The following SORCS3 variants were observed in gnomAD, a reference collection of about 807,000 sequenced individuals.
SORCS3 encodes the protein sortilin related VPS10 domain containing receptor 3.
Under a neutral mutation model 146.3 loss-of-function variants are expected in SORCS3, and 57 were observed. The observed-to-expected ratio is 0.39, with a 90% CI of 0.31 to 0.49. SORCS3 has a LOEUF of 0.49. Among genes scored for constraint, SORCS3 ranks in the 20% least tolerant of loss-of-function variants. The pLI, the probability that SORCS3 is intolerant of heterozygous loss-of-function variation, is 0.92. For synonymous variants in SORCS3, 653 were observed against 618.5 expected (o/e 1.06, Z -0.83); for missense variants, 1,341 against 1,575.5 (o/e 0.85, Z 2.52).
intron 1 of SORCS3, among the ~76,000 whole-genome samples, chr10:104,643,628 G>T (rs2015455286): frequency 6.6e-6 from 1 of 152,128 alleles, no homozygotes; most frequent in African/African-American, 2.4e-5. Context: ...GTGTGTGCTG[G>T]GGGGAGATTC....
chr10:105,211,155 A>T lies in SORCS3; in HGVS notation c.2280A>T (p.Arg760Ser). Residue 760 changes from arginine to serine, a missense_variant, in exon 17 of 27, where the codon AGA becomes AGT. Arg to Ser is a moderately radical substitution (Grantham distance 110). Transcript: ENST00000369701. ...WDFECDYGYE[R>S]HGESQCVPAF... ...CTGACAGTGACTATGGGTATGAGAG[A>T]CATGGGGAGAGCCAGTGTGTCCCAG... 1 of 1,613,862 alleles carries T rather than the reference A, an allele frequency of 6.2e-7. No homozygotes were observed. Among genetic ancestry groups the T allele is most frequent in the Non-Finnish European group, 8.5e-7 (1 of 1,179,734 alleles).
chr10:104,759,785 C>T (rs904461540), intron 1 of SORCS3, among the ~76,000 whole-genome samples: 19 of 152,042 alleles, frequency 1.2e-4, no homozygotes, highest in Admixed American at 6.6e-5. Flanking sequence ...GGTGTTCTGT[C>T]GAGGATCTGT....
chr10:104,960,320 AG>A (rs1322858748), intron 3 of SORCS3, among the ~76,000 whole-genome samples: 1 of 152,164 alleles, frequency 6.6e-6, no homozygotes, highest in African/African-American at 2.4e-5. Flanking sequence ...ATCTAGGTTT[AG>A]GTTCCTGTTT....
chr10:104,915,278 CA>C (rs1259831317), intron 2 of SORCS3, among the ~76,000 whole-genome samples: 1 of 151,742 alleles, frequency 6.6e-6, no homozygotes, highest in African/African-American at 2.4e-5. Flanking sequence ...GTAAAGCATC[CA>C]ACCCTCTGCC....
intron 2 of SORCS3, among the ~76,000 whole-genome samples, chr10:104,849,997 T>G (rs1269869914): frequency 6.6e-6 from 1 of 152,250 alleles, no homozygotes; most frequent in Admixed American, 6.5e-5. Flanking sequence ...GCTGCTGATT[T>G]GGGGCACAGG....
chr10:104,947,176 C>T (rs1220564433), intron 3 of SORCS3, among the ~76,000 whole-genome samples: 1 of 152,156 alleles, frequency 6.6e-6, no homozygotes, highest in Admixed American at 6.5e-5. Flanking sequence ...ATAAAGAGCT[C>T]TTCCATTTCT....
chr10:105,059,982 A>G (rs1302346247), intron 5 of SORCS3, among the ~76,000 whole-genome samples: 1 of 152,238 alleles, frequency 6.6e-6, no homozygotes, highest in Non-Finnish European at 1.5e-5. Context: ...GTAGTTTATT[A>G]TGCAGCAAAA....
chr10:105,261,066 C>T (rs2056957530), intron 25 of SORCS3, among the ~76,000 whole-genome samples: 2 of 152,134 alleles, frequency 1.3e-5, no homozygotes, highest in East Asian at 1.9e-4. Flanking sequence ...TGTGCTAAGT[C>T]GTGTGGATAG....
intron 5 of SORCS3, among the ~76,000 whole-genome samples, chr10:105,082,891 C>T (rs1383450578): frequency 3.9e-5 from 6 of 151,998 alleles, no homozygotes; most frequent in South Asian, 2.1e-4. Context: ...CCACCACACC[C>T]GGCTAATTTT....
At chr10:105,236,816 G>A (rs2056795380) in intron 20 of SORCS3, among the ~76,000 whole-genome samples, 1 of 152,092 alleles carries the variant, frequency 6.6e-6, no homozygotes, top group African/African-American at 2.4e-5. Context: ...ATTTGAGTTT[G>A]TATCGATTTC....
At chr10:104,883,798 G>A (rs984806662) in intron 2 of SORCS3, among the ~76,000 whole-genome samples, 2 of 152,082 alleles carry the variant, frequency 1.3e-5, no homozygotes, top group Admixed American at 6.6e-5. Context: ...TAAGGAGGCT[G>A]GGAGGTAGGT....
At chr10:104,805,133 A>T (rs1332248477) in intron 1 of SORCS3, among the ~76,000 whole-genome samples, 1 of 152,212 alleles carries the variant, frequency 6.6e-6, no homozygotes, top group African/African-American at 2.4e-5. Flanking sequence ...TGGACCCTGC[A>T]CTTCAGTTGC....
intron 3 of SORCS3, among the ~76,000 whole-genome samples, chr10:104,960,960 TA>T (rs1365963609): frequency 5.9e-5 from 9 of 152,186 alleles, no homozygotes; most frequent in African/African-American, 1.9e-4. Context: ...GCTGTGCAAT[TA>T]ATTTCCATTT....
intron 1 of SORCS3, among the ~76,000 whole-genome samples, chr10:104,841,182 G>A (rs1166344986): frequency 6.6e-6 from 1 of 152,178 alleles, no homozygotes; most frequent in Non-Finnish European, 1.5e-5. Flanking sequence ...TTTAATAAAT[G>A]AGGAAACTAG....
chr10:105,130,842 A>G (rs2056013689), intron 7 of SORCS3, among the ~76,000 whole-genome samples: 1 of 152,144 alleles, frequency 6.6e-6, no homozygotes, highest in South Asian at 2.1e-4. Context: ...CAAACACTAA[A>G]TTCAAAGTCA....
intron 5 of SORCS3, among the ~76,000 whole-genome samples, chr10:105,060,829 C>T (rs911114667): frequency 2.6e-5 from 4 of 151,772 alleles, no homozygotes; most frequent in Non-Finnish European, 1.5e-5. Flanking sequence ...CCCAGCTACT[C>T]GGGAGCCTGA....
At chr10:104,715,773 G>A (rs948123517) in intron 1 of SORCS3, among the ~76,000 whole-genome samples, 2 of 152,160 alleles carry the variant, frequency 1.3e-5, no homozygotes, top group East Asian at 3.9e-4. Flanking sequence ...AAACCCTGGT[G>A]TAGTCACCTT....
chr10:104,832,010 A>G (rs1405491437), intron 1 of SORCS3, among the ~76,000 whole-genome samples: 2 of 152,188 alleles, frequency 1.3e-5, no homozygotes, highest in Non-Finnish European at 1.5e-5. Context: ...GTCCTGAGGC[A>G]TAGTTGATAG....
chr10:104,803,006 C>A (rs2017641056), intron 1 of SORCS3, among the ~76,000 whole-genome samples: 1 of 152,074 alleles, frequency 6.6e-6, no homozygotes, highest in Non-Finnish European at 1.5e-5. Flanking sequence ...ATCCAGAGAC[C>A]CAGGCTTCAT....
Sources: allele counts gnomAD v4.1 joint callset (sites outside exome capture counted in the v4.1 genomes callset), GRCh38; gene constraint gnomAD v4.1.1; transcripts MANE v1.5; gene names NCBI Gene and HGNC (gene_info 2026-07-23, HGNC 2026-07-21).